Variants in APBB2 observed in about 807,000 individuals in gnomAD.
APBB2 encodes Fe65-like 1.
In APBB2, 38 loss-of-function variants were observed where a neutral mutation model predicts 82.5. The ratio of observed to expected loss-of-function variants is 0.46; its 90% CI spans 0.36 to 0.60. The LOEUF is 0.60. Among genes scored for constraint, APBB2 ranks in the 20% least tolerant of loss-of-function variants. The probability of loss-of-function intolerance (pLI) is 0.00; values close to 1 mark genes in which losing one functional copy is unlikely to be tolerated. For synonymous variants in APBB2, 341 were observed against 368.2 expected (o/e 0.93, Z 0.85); for missense variants, 772 against 972.3 (o/e 0.79, Z 2.74).
chr4:40,867,481 A>G (rs1301882665), intron 12 of APBB2, among the ~76,000 whole-genome samples: 1 of 152,108 alleles, frequency 6.6e-6, no homozygotes, highest in Non-Finnish European at 1.5e-5. Flanking sequence ...AGTGAACTCA[A>G]TTATAAGAGG....
chr4:41,164,133 A>C (rs1350940588), intron 1 of APBB2, among the ~76,000 whole-genome samples: 1 of 152,206 alleles, frequency 6.6e-6, no homozygotes, highest in Non-Finnish European at 1.5e-5. Context: ...TTTCATATAT[A>C]ACTTATACAC....
At chr4:41,150,585 A>T (rs1762007219) in intron 1 of APBB2, among the ~76,000 whole-genome samples, 1 of 152,144 alleles carries the variant, frequency 6.6e-6, no homozygotes, top group Admixed American at 6.5e-5. Flanking sequence ...TGCCCTCATG[A>T]AGCCTTCCCC....
chr4:40,951,815 C>T (rs561160453), intron 6 of APBB2, among the ~76,000 whole-genome samples: 8 of 152,314 alleles, frequency 5.3e-5, no homozygotes, highest in Non-Finnish European at 8.8e-5. Flanking sequence ...GCAGCACATT[C>T]GAGTCACTAA....
At chr4:40,942,402 T>C (rs988364596) in intron 7 of APBB2, among the ~76,000 whole-genome samples, 8 of 151,936 alleles carry the variant, frequency 5.3e-5, no homozygotes, top group Non-Finnish European at 7.4e-5. Flanking sequence ...ATTCTCAGAG[T>C]CCTCGGGCTC....
At chr4:41,178,333 T>C (rs1770379041) in intron 1 of APBB2, among the ~76,000 whole-genome samples, 1 of 152,212 alleles carries the variant, frequency 6.6e-6, no homozygotes, top group Non-Finnish European at 1.5e-5. Context: ...AAGTCACTCC[T>C]ACTAAGGATC....
intron 4 of APBB2, among the ~76,000 whole-genome samples, chr4:41,048,568 AT>A (rs1180493597): frequency 2.0e-5 from 3 of 152,120 alleles, no homozygotes; most frequent in Admixed American, 1.3e-4. Flanking sequence ...TGGTGAAGCT[AT>A]TTTGTTTTAA....
intron 12 of APBB2, among the ~76,000 whole-genome samples, chr4:40,885,054 G>A (rs1189912546): frequency 1.3e-5 from 2 of 152,234 alleles, no homozygotes; most frequent in African/African-American, 4.8e-5. Flanking sequence ...TACACAATCT[G>A]TAAGCATAAG....
chr4:41,112,496 T>C (rs1368885103), intron 2 of APBB2, among the ~76,000 whole-genome samples: 2 of 152,230 alleles, frequency 1.3e-5, no homozygotes, highest in African/African-American at 4.8e-5. Flanking sequence ...CCTTTCCCGC[T>C]TCCAGGTAAG....
chr4:40,880,479 T>C lies in APBB2; in HGVS notation c.1529+9885A>G, dbSNP rs1167185951. ...TAGCAATTCTTCAAGCACCAAACCA[T>C]GCACTGAACATCTGCATAAGTTCTG... On this transcript the variant is annotated intron_variant, in intron 12 of 17. Coordinates refer to ENST00000508593, the MANE Select transcript of APBB2 (RefSeq NM_004307.2). 6.1e-6 allele frequency: 6 copies of C among 985,344 alleles called. No individual in the cohort carries two copies. The African/African-American group carries it at 8.7e-5, about 14-fold the overall frequency. 61.0% of individuals were successfully genotyped at this position (985,344 alleles called of 1,614,324 possible).
chr4:40,828,709 T>C (rs918758536), intron 13 of APBB2, among the ~76,000 whole-genome samples: 2 of 152,232 alleles, frequency 1.3e-5, no homozygotes, highest in African/African-American at 4.8e-5. Context: ...CAGGCCGCAA[T>C]GCTGCAAATG....
At chr4:40,922,246 T>C (rs1781447229) in intron 10 of APBB2, among the ~76,000 whole-genome samples, 1 of 152,246 alleles carries the variant, frequency 6.6e-6, no homozygotes, top group South Asian at 2.1e-4. Flanking sequence ...GTAATTGTCA[T>C]TCTTAAATGA....
At chr4:40,880,337 C>T in intron 12 of APBB2, 1 of 985,426 alleles carries the variant, frequency 1.0e-6, no homozygotes, top group Non-Finnish European at 1.2e-6. Flanking sequence ...TTCATAGTCA[C>T]TGGACTCCCC....
At chr4:40,934,992 T>C in intron 8 of APBB2, 85 bp downstream of exon 8, 1 of 1,127,930 alleles carries the variant, frequency 8.9e-7, no homozygotes, top group Admixed American at 2.3e-5. Flanking sequence ...GAATGCATGA[T>C]ATTCACAAAG....
intron 12 of APBB2, among the ~76,000 whole-genome samples, chr4:40,851,740 T>TATATATATATATATATATA (rs1560700519): frequency 6.3e-4 from 25 of 39,868 alleles, no homozygotes; most frequent in African/African-American, 2.1e-3. Context: ...ATATATATAT[T>TATATATATATATATATATA]TTTTTTTTTT....
chr4:41,117,290 TTATTA>T (rs1214570985), intron 2 of APBB2, among the ~76,000 whole-genome samples: 5 of 133,498 alleles, frequency 3.7e-5, no homozygotes, highest in Non-Finnish European at 6.5e-5. Flanking sequence ...GTTATTATTA[TTATTA>T]TTTTTTTTTT....
chr4:41,062,109 T>C (rs1438351350), intron 4 of APBB2, among the ~76,000 whole-genome samples: 1 of 152,226 alleles, frequency 6.6e-6, no homozygotes, highest in Non-Finnish European at 1.5e-5. Flanking sequence ...TTCTTTCTGC[T>C]ATGAGTAGCC....
At chr4:41,013,133 C>T (rs7657512) in intron 6 of APBB2, among the ~76,000 whole-genome samples, 1 of 151,932 alleles carries the variant, frequency 6.6e-6, no homozygotes, top group Non-Finnish European at 1.5e-5. Context: ...ACTTTTTATG[C>T]GCTTCACCAT....
intron 12 of APBB2, among the ~76,000 whole-genome samples, chr4:40,871,056 T>C (rs1765387493): frequency 6.6e-6 from 1 of 152,080 alleles, no homozygotes; most frequent in African/African-American, 2.4e-5. Context: ...TATGACTGGA[T>C]TTAGGTCCCA....
At chr4:41,151,219 A>G (rs1187238590) in intron 1 of APBB2, among the ~76,000 whole-genome samples, 2 of 152,186 alleles carry the variant, frequency 1.3e-5, no homozygotes, top group Non-Finnish European at 2.9e-5. Context: ...TGGCTCTTAC[A>G]AAGATGCCAT....
Sources: allele counts gnomAD v4.1 joint callset (sites outside exome capture counted in the v4.1 genomes callset), GRCh38; gene constraint gnomAD v4.1.1; transcripts MANE v1.5; gene names NCBI Gene and HGNC (gene_info 2026-07-23, HGNC 2026-07-21).